Variants in NDUFS1 observed in about 807,000 individuals in gnomAD.
NDUFS1 encodes NADH:ubiquinone oxidoreductase core subunit S1.
In NDUFS1, 61 loss-of-function variants were observed where a neutral mutation model predicts 84.4. That is an observed-to-expected ratio of 0.72 (90% CI 0.59 to 0.89). NDUFS1 has a LOEUF of 0.89. Ranked by LOEUF, NDUFS1 falls within the 40% of genes least tolerant of loss-of-function variation. NDUFS1 has a pLI of 0.00. For missense variants in NDUFS1, 891 were observed against 890.0 expected (o/e 1.00, Z -0.01); for synonymous variants, 275 against 290.0 (o/e 0.95, Z 0.53).
At position 206,142,765 on chromosome 2, in the gene NDUFS1, C is replaced by A; in HGVS notation, c.1054G>T (p.Val352Leu). The A allele has an allele frequency of 6.2e-7, 1 of 1,614,146 alleles. No homozygotes were observed. Among genetic ancestry groups the A allele is most frequent in the Non-Finnish European group, 8.5e-7 (1 of 1,180,024 alleles). ...CTATTAAGCAAATCTTTGAGAGCTA[C>A]CAGGGCTTCAGCATCCACCAAGCCA... ...AGGLVDAEAL[V>L]ALKDLLNRVD... Residue 352 changes from valine (V) to leucine (L), a missense_variant, in exon 11 of 19, where the codon GTA (valine) becomes TTA (leucine). Coordinates refer to ENST00000233190, the MANE Select transcript of NDUFS1 (RefSeq NM_005006.7).
At chr2:206,149,726 C>A in intron 4 of NDUFS1, 92 bp downstream of exon 4, 1 of 898,128 alleles carries the variant, frequency 1.1e-6, no homozygotes, top group East Asian at 2.4e-5. Flanking sequence ...GCTAGGTTCT[C>A]CACTACGATA....
Position 206,116,215 on chromosome 2 carries a change from A to T in NDUFS1, c.*7970T>A. 7.3e-7 allele frequency: 1 copy of T among 1,375,862 alleles called. No homozygotes were observed. The highest frequency in any genetic ancestry group is 1.4e-5 in the African/African-American group (1 of 70,698). 85.2% of individuals were successfully genotyped at this position (1,375,862 alleles called of 1,614,324 possible). The stretch of plus-strand genomic sequence containing the variant: ...TCATCTTGATCAGCCAACCATCTTC[A>T]TAACGAGATTTGTTTACAAGTCCTG... On this transcript the variant is annotated 3_prime_UTR_variant, in exon 19 of 19. Transcript: ENST00000233190.
chr2:206,142,794 G>A lies in NDUFS1; in HGVS notation c.1025C>T (p.Ala342Val). ...SFQGKDVAAI[A>V]GGLVDAEALV... ...GGCTTCAGCATCCACCAAGCCACCT[G>A]CAATTGCTGCCACATCTTTGCCTTG... Residue 342 changes from alanine to valine, a missense_variant, in exon 11 of 19, where the codon GCA becomes GTA. Physicochemically the swap from Ala to Val is moderately conservative, Grantham distance 64. Transcript: ENST00000233190. 6.2e-7 allele frequency: 1 copy of A among 1,614,178 alleles called. No homozygotes were observed. The highest frequency in any genetic ancestry group is 1.7e-5 in the Admixed American group (1 of 60,020).
chr2:206,132,401 T>C (rs889839535), intron 14 of NDUFS1, among the ~76,000 whole-genome samples: 1 of 152,048 alleles, frequency 6.6e-6, no homozygotes. Flanking sequence ...CTGGGCAACA[T>C]AGTGAGACTT....
rs1220131297 is a variant in NDUFS1, at chr2:206,127,976, C to T, written c.1709-4G>A. ...GCCCCAACATCACCATGATGTCCTG[C>T]ACAAAGATGGAAAATGGTAAACCAA... On this transcript the variant is annotated splice_polypyrimidine_tract_variant and splice_region_variant and intron_variant, in intron 15 of 18. Transcript: ENST00000233190. 2 of 1,613,912 alleles carry T rather than the reference C, an allele frequency of 1.2e-6. No homozygotes were observed. Among genetic ancestry groups the T allele is most frequent in the East Asian group, 2.2e-5 (1 of 44,872 alleles).
chr2:206,154,163 T>C (rs1203809796), intron 1 of NDUFS1, among the ~76,000 whole-genome samples: 2 of 152,212 alleles, frequency 1.3e-5, no homozygotes, highest in Non-Finnish European at 2.9e-5. Context: ...CCCAAGCCTT[T>C]GAGGTGTCTT....
Position 206,149,085 on chromosome 2 carries a change from A to G in NDUFS1, c.273T>C (p.Ala91=), listed in dbSNP as rs2105977043. ...EIEKAPKVVA[A]CAMPVMKGWN... ...AACCCTTCATTACTGGCATGGCACA[A>G]GCAGCTACAACCTGGGATTTCAATG... The change falls in exon 5 of 19, where the codon GCT becomes GCC. Residue 91 remains alanine (A), a synonymous_variant. Coordinates refer to ENST00000233190, the MANE Select transcript of NDUFS1 (RefSeq NM_005006.7). 1 of 1,613,014 alleles carries G rather than the reference A, an allele frequency of 6.2e-7. No individual in the cohort carries two copies. The highest frequency in any genetic ancestry group is 2.2e-5 in the East Asian group (1 of 44,824).
chr2:206,155,834 G>A (rs1191679423), intron 1 of NDUFS1, among the ~76,000 whole-genome samples: 3 of 151,602 alleles, frequency 2.0e-5, no homozygotes, highest in African/African-American at 2.4e-5. Flanking sequence ...GATTACAGGC[G>A]TGAGCCACCA....
intron 13 of NDUFS1, 43 bp downstream of exon 13, chr2:206,138,442 A>T (rs747129576): frequency 1.9e-6 from 3 of 1,585,484 alleles, no homozygotes; most frequent in Non-Finnish European, 2.6e-6. Context: ...AAATAATAAT[A>T]ATTAAAAATC....
At position 206,116,070 on chromosome 2, in the gene NDUFS1, G is replaced by A; in HGVS notation, c.*8115C>T. The A allele has an allele frequency of 2.0e-6, 2 of 983,280 alleles. No homozygotes were observed. The highest frequency in any genetic ancestry group is 2.6e-5 in the South Asian group (2 of 78,268). 60.9% of individuals were successfully genotyped at this position (983,280 alleles called of 1,614,324 possible). On this transcript the variant is annotated 3_prime_UTR_variant, in exon 19 of 19. Transcript: ENST00000233190. ...CACTAATTTAGGACAACTCTGCTGG[G>A]TTGCGTTATTTCATACTAGCTTATT...
At chr2:206,133,798 C>T (rs534462340) in intron 13 of NDUFS1, among the ~76,000 whole-genome samples, 3 of 152,066 alleles carry the variant, frequency 2.0e-5, no homozygotes, top group Non-Finnish European at 4.4e-5. Context: ...GCCAACACGG[C>T]GAAACCCCGT....
rs764561804 is a variant in NDUFS1, at chr2:206,142,807, C to T, written c.1012G>A (p.Val338Met). The T allele has an allele frequency of 1.5e-5, 24 of 1,614,066 alleles. No homozygotes were observed. The Middle Eastern group carries it at 4.9e-4, about 33-fold the overall frequency. Residue 338 changes from valine to methionine, a missense_variant, in exon 11 of 19, where the codon GTG (valine) becomes ATG (methionine). By Grantham distance (21) the Val-to-Met change is conservative. Coordinates refer to ENST00000233190, the MANE Select transcript of NDUFS1 (RefSeq NM_005006.7). Reference protein sequence around the residue: ...GMLQSFQGKDVAAIAGGLVDA... With the variant: ...GMLQSFQGKDMAAIAGGLVDA... The stretch of plus-strand genomic sequence containing the variant: ...ACCAAGCCACCTGCAATTGCTGCCA[C>T]ATCTTTGCCTTGAAAACTCTGCAAC...
At chr2:206,150,737 T>C (rs550214655) in intron 3 of NDUFS1, among the ~76,000 whole-genome samples, 2 of 152,316 alleles carry the variant, frequency 1.3e-5, no homozygotes, top group East Asian at 3.9e-4. Flanking sequence ...GCTTCAGATT[T>C]ACAGGTATTT....
rs1301945454 is a variant in NDUFS1 at position 206,122,010 on chromosome 2, G to GC, written c.*2174dup. ...TTTGTATTAAGTTCAAACACTTTTG[G>GC]CAAGAATTTATACAATTTCAGGTAA... On this transcript the variant is annotated 3_prime_UTR_variant, in exon 19 of 19. Coordinates refer to ENST00000233190, the MANE Select transcript of NDUFS1 (RefSeq NM_005006.7). 1 of 152,162 alleles carries GC rather than the reference G, an allele frequency of 6.6e-6. No individual in the cohort carries two copies. Among genetic ancestry groups the GC allele is most frequent in the Non-Finnish European group, 1.5e-5 (1 of 68,050 alleles). The allele number at this position is 152,162 out of a possible 1,614,324, so 9.4% of individuals were successfully genotyped here. A position where few individuals can be genotyped will look rare whatever the true frequency, so the allele number is the denominator to read the frequency against.
rs759300944 is a variant in NDUFS1 at position 206,142,783 on chromosome 2, C to T, written c.1036G>A (p.Val346Met). 6.2e-6 allele frequency: 10 copies of T among 1,614,212 alleles called. No homozygotes were observed. Among genetic ancestry groups the T allele is most frequent in the Non-Finnish European group, 6.8e-6 (8 of 1,180,044 alleles). ...AGAGCTACCAGGGCTTCAGCATCCA[C>T]CAAGCCACCTGCAATTGCTGCCACA... is the stretch of plus-strand genomic sequence containing the variant. ...KDVAAIAGGL[V>M]DAEALVALKD... is the part of the protein sequence containing the mutation. The change falls in exon 11 of 19, where the codon GTG (valine) becomes ATG (methionine). Residue 346 changes from valine (V) to methionine (M), a missense_variant. Coordinates refer to ENST00000233190, the MANE Select transcript of NDUFS1 (RefSeq NM_005006.7).
rs1200119556 is a variant in NDUFS1, at chr2:206,120,278, G to A, written c.*3907C>T. ...TTAAAACAGATTAGTACTGACAGTG[G>A]GGCACTGCTATACATATTGGAAAAT... On this transcript the variant is annotated 3_prime_UTR_variant, in exon 19 of 19. Coordinates refer to ENST00000233190, the MANE Select transcript of NDUFS1 (RefSeq NM_005006.7). 1 of 152,186 alleles carries A rather than the reference G, an allele frequency of 6.6e-6. No individual in the cohort carries two copies. Among genetic ancestry groups the A allele is most frequent in the African/African-American group, 2.4e-5 (1 of 41,430 alleles). 9.4% of individuals were successfully genotyped at this position (152,186 alleles called of 1,614,324 possible). A position where few individuals can be genotyped will look rare whatever the true frequency, so the allele number is the denominator to read the frequency against.
At chr2:206,138,376 C>A in intron 13 of NDUFS1, 109 bp downstream of exon 13, 1 of 1,343,672 alleles carries the variant, frequency 7.4e-7, no homozygotes, top group East Asian at 2.6e-5. Context: ...CCACCGCGCC[C>A]AACCTGGTGT....
rs1228496080 is a variant in NDUFS1 at position 206,133,052 on chromosome 2, T to C, written c.1446A>G (p.Gln482=). 10 of 1,613,938 alleles carry C rather than the reference T, an allele frequency of 6.2e-6. No homozygotes were observed. The highest frequency in any genetic ancestry group is 8.5e-6 in the Non-Finnish European group (10 of 1,179,894). Residue 482 remains glutamine (Q), a synonymous_variant, in exon 14 of 19, where the codon CAA becomes CAG. Coordinates refer to ENST00000233190, the MANE Select transcript of NDUFS1 (RefSeq NM_005006.7). ...CAAGAATTGCTGCTCCATCATTTCT[T>C]TGGAGTGCAGAACTGCCTAAAACCA... ...PMVVLGSSAL[Q]RNDGAAILAA... is the part of the protein sequence containing the mutation.
Position 206,141,956 on chromosome 2 carries a change from G to C in NDUFS1, c.1247C>G (p.Ala416Gly). 2 of 1,610,562 alleles carry C rather than the reference G, an allele frequency of 1.2e-6. No individual in the cohort carries two copies. The highest frequency in any genetic ancestry group is 1.7e-6 in the Non-Finnish European group (2 of 1,176,968). ...TATTACCAACCTCTTTCGAATTCTA[G>C]CATTAAACAGTGGTGCCTCAAAACG... ...NPRFEAPLFN[A>G]RIRKSWLHND... Residue 416 changes from alanine to glycine, a missense_variant, in exon 12 of 19, where the codon GCT becomes GGT. Ala to Gly is a moderately conservative substitution (Grantham distance 60). Transcript: ENST00000233190.
Sources: allele counts gnomAD v4.1 joint callset (sites outside exome capture counted in the v4.1 genomes callset), GRCh38; gene constraint gnomAD v4.1.1; transcripts MANE v1.5; gene names NCBI Gene and HGNC (gene_info 2026-07-23, HGNC 2026-07-21).